Variants in CERS3 observed in about 807,000 individuals in gnomAD.
CERS3 encodes the protein ceramide synthase 3, also known as LAG1 homolog, ceramide synthase 3.
In CERS3, 33 loss-of-function variants were observed where a neutral mutation model predicts 50.3. That is an observed-to-expected ratio of 0.66 (90% CI 0.50 to 0.88). The LOEUF is 0.88. Among genes scored for constraint, CERS3 ranks in the 40% least tolerant of loss-of-function variants. The pLI is 0.00. For missense variants in CERS3, 470 were observed against 460.3 expected, an observed-to-expected ratio of 1.02 and a Z score of -0.19; for synonymous variants, 176 against 155.2, an observed-to-expected ratio of 1.13 and a Z score of -0.99.
upstream of CERS3, among the ~76,000 whole-genome samples, chr15:100,530,685 G>A (rs1313763417): frequency 2.0e-5 from 3 of 152,158 alleles, no homozygotes; most frequent in African/African-American, 7.2e-5. Flanking sequence ...ACCCAAAATA[G>A]TGATCATCCA....
At chr15:100,428,564 C>G (rs1407051240) in intron 11 of CERS3, among the ~76,000 whole-genome samples, 1 of 152,212 alleles carries the variant, frequency 6.6e-6, no homozygotes, top group African/African-American at 2.4e-5. Flanking sequence ...AGTGGCACCT[C>G]CCACTTGTGA....
chr15:100,410,922 T>C (rs555039978), intron 11 of CERS3, among the ~76,000 whole-genome samples: 2 of 152,186 alleles, frequency 1.3e-5, no homozygotes, highest in African/African-American at 2.4e-5. Context: ...ATAGCTCTTT[T>C]CATCTTGTGA....
chr15:100,523,088 A>T (rs1596810311), intron 1 of CERS3, among the ~76,000 whole-genome samples: 1 of 152,210 alleles, frequency 6.6e-6, no homozygotes, highest in Non-Finnish European at 1.5e-5. Context: ...AACAAGGTTG[A>T]GTATGTTTCA....
chr15:100,401,988 G>T lies in CERS3; in HGVS notation c.*725C>A, dbSNP rs1213844008. The T allele has an allele frequency of 6.6e-6, 1 of 152,212 alleles. No homozygotes were observed. The highest frequency in any genetic ancestry group is 1.5e-5 in the Non-Finnish European group (1 of 68,054). 9.4% of individuals were successfully genotyped at this position (152,212 alleles called of 1,614,324 possible). On this transcript the variant is annotated 3_prime_UTR_variant, in exon 12 of 12. Transcript: ENST00000679737. ...ACCTTTCTTGGCACTTTCATTTCCAGGTATCTCCAGAGTCATTTAAGAGGA... is the reference window on the plus strand; with the variant it reads ...ACCTTTCTTGGCACTTTCATTTCCATGTATCTCCAGAGTCATTTAAGAGGA...
intron 11 of CERS3, among the ~76,000 whole-genome samples, chr15:100,437,091 G>A (rs754298156): frequency 1.3e-5 from 2 of 151,820 alleles, no homozygotes; most frequent in African/African-American, 2.4e-5. Flanking sequence ...CTACAGGTGC[G>A]CTCCACCATG....
At chr15:100,523,709 A>G (rs540857618) in intron 1 of CERS3, among the ~76,000 whole-genome samples, 56 of 151,934 alleles carry the variant, frequency 3.7e-4, no homozygotes, top group Non-Finnish European at 7.4e-4. Context: ...TCAAAAAAAA[A>G]AAAAAAAAAA....
At chr15:100,527,436 G>T (rs1019851758) in intron 1 of CERS3, among the ~76,000 whole-genome samples, 1 of 152,212 alleles carries the variant, frequency 6.6e-6, no homozygotes, top group Admixed American at 6.5e-5. Flanking sequence ...AGAAGCAGGT[G>T]ATAGATTGAT....
intron 11 of CERS3, among the ~76,000 whole-genome samples, chr15:100,412,231 T>C (rs2031547522): frequency 1.3e-5 from 2 of 152,218 alleles, no homozygotes; most frequent in East Asian, 3.9e-4. Context: ...TGAATTCAAG[T>C]TAATTTTTGT....
At chr15:100,444,746 T>C (rs563484179) in intron 11 of CERS3, among the ~76,000 whole-genome samples, 4 of 152,282 alleles carry the variant, frequency 2.6e-5, no homozygotes, top group African/African-American at 4.8e-5. Flanking sequence ...CAACATGCCC[T>C]GAGTCAGGAA....
In CERS3 at chr15:100,490,924, C is replaced by A; in HGVS notation, c.181G>T (p.Ala61Ser). Residue 61 changes from alanine to serine, a missense_variant, in exon 4 of 12, where the codon GCT (alanine) becomes TCT (serine). Transcript: ENST00000679737. ...IIRRVFEKFV[A>S]SPLAKSFGIK... ...CCAAATGATTTTGCTAGAGGTGAAG[C>A]AACAAATCTACAAAAATATGAAAAG... 1 of 1,578,202 alleles carries A rather than the reference C, an allele frequency of 6.3e-7. No individual in the cohort carries two copies. Among genetic ancestry groups the A allele is most frequent in the South Asian group, 1.2e-5 (1 of 85,532 alleles).
At chr15:100,444,611 A>T (rs1158477086) in intron 11 of CERS3, among the ~76,000 whole-genome samples, 2 of 152,198 alleles carry the variant, frequency 1.3e-5, no homozygotes, top group African/African-American at 4.8e-5. Context: ...ATCCTCAAGG[A>T]AATAACTTCT....
chr15:100,422,731 T>G (rs1245254130), intron 11 of CERS3, among the ~76,000 whole-genome samples: 3 of 109,334 alleles, frequency 2.7e-5, no homozygotes, highest in Admixed American at 1.0e-4. Flanking sequence ...GTGGCACATA[T>G]ACACCATGGA....
intron 8 of CERS3, among the ~76,000 whole-genome samples, chr15:100,473,732 A>T (rs1596723468): frequency 6.6e-6 from 1 of 152,252 alleles, no homozygotes; most frequent in East Asian, 1.9e-4. Context: ...TTTGTTAAAC[A>T]GTCTGACAGT....
At chr15:100,491,893 CTTTTTTT>C (rs35370636) in intron 3 of CERS3, among the ~76,000 whole-genome samples, 1 of 146,356 alleles carries the variant, frequency 6.8e-6, no homozygotes, top group South Asian at 2.2e-4. Context: ...TTATTGATTT[CTTTTTTT>C]TTTTTTAAGA....
intron 11 of CERS3, among the ~76,000 whole-genome samples, chr15:100,435,277 C>T (rs1042356644): frequency 2.6e-5 from 4 of 152,278 alleles, no homozygotes; most frequent in South Asian, 2.1e-4. Context: ...GAAGATCCCT[C>T]GTGTGACTAA....
intron 7 of CERS3, among the ~76,000 whole-genome samples, chr15:100,476,608 G>C (rs2035135272): frequency 6.6e-6 from 1 of 152,068 alleles, no homozygotes; most frequent in Non-Finnish European, 1.5e-5. Flanking sequence ...GTGACAGGCT[G>C]GTGGTCAGAA....
chr15:100,424,662 A>G (rs949498202), intron 11 of CERS3, among the ~76,000 whole-genome samples: 1 of 152,206 alleles, frequency 6.6e-6, no homozygotes, highest in African/African-American at 2.4e-5. Flanking sequence ...TTAAGCAGCA[A>G]TGCGTTCAAG....
intron 11 of CERS3, among the ~76,000 whole-genome samples, chr15:100,430,313 A>G (rs1196127503): frequency 1.3e-5 from 2 of 148,684 alleles, no homozygotes; most frequent in Non-Finnish European, 3.0e-5. Flanking sequence ...CTCCGTCTCA[A>G]AAAAAAAAAG....
chr15:100,402,472 G>A lies in CERS3; in HGVS notation c.*241C>T. ...CAATTAGAACTGAGACGGTTCTGTG[G>A]AGAAATCTTTGAAATCTTTGACCAG... On this transcript the variant is annotated 3_prime_UTR_variant, in exon 12 of 12. Coordinates refer to ENST00000679737, the MANE Select transcript of CERS3 (RefSeq NM_001378789.1). The A allele has an allele frequency of 2.0e-6, 1 of 506,746 alleles. No individual in the cohort carries two copies. Among genetic ancestry groups the A allele is most frequent in the Non-Finnish European group, 3.5e-6 (1 of 285,138 alleles). The allele number at this position is 506,746 out of a possible 1,614,324, so 31.4% of individuals were successfully genotyped here. A position where few individuals can be genotyped will look rare whatever the true frequency, so the allele number is the denominator to read the frequency against.
Sources: allele counts gnomAD v4.1 joint callset (sites outside exome capture counted in the v4.1 genomes callset), GRCh38; gene constraint gnomAD v4.1.1; transcripts MANE v1.5; gene names NCBI Gene and HGNC (gene_info 2026-07-23, HGNC 2026-07-21).